Variants in FCHSD2 observed in about 807,000 individuals in gnomAD.
FCHSD2 encodes FCH and double SH3 domains 2.
Under a neutral mutation model 108.1 loss-of-function variants are expected in FCHSD2, and 38 were observed. The ratio of observed to expected loss-of-function variants is 0.35; its 90% CI spans 0.27 to 0.46. The LOEUF is 0.46. FCHSD2 is among the 20% of genes least tolerant of loss of function. The pLI is 1.00. For missense variants in FCHSD2, 751 were observed against 897.8 expected (o/e 0.84, Z 2.09); for synonymous variants, 279 against 314.7 (o/e 0.89, Z 1.20).
chr11:72,989,180 T>C (rs1857364987), intron 5 of FCHSD2, 83 bp from the exon 6 acceptor site: 4 of 1,061,812 alleles, frequency 3.8e-6, no homozygotes, highest in Admixed American at 5.7e-5. Context: ...CTATACACTA[T>C]GCCTTCAGGA....
At chr11:72,962,238 T>G (rs1336839924) in intron 8 of FCHSD2, among the ~76,000 whole-genome samples, 2 of 152,238 alleles carry the variant, frequency 1.3e-5, no homozygotes, top group Non-Finnish European at 2.9e-5. Context: ...TAACTCCCAC[T>G]CTTTCACAAG....
rs573878399 is a variant in FCHSD2 at position 72,917,857 on chromosome 11, T to C, written c.828+3971A>G. On this transcript the variant is annotated intron_variant, in intron 9 of 19. Transcript: ENST00000409418. ...GAGCTGAGCTCATGCCATTGCACTC[T>C]AGCCTGGGTGACAGAGTGAGACCTT... Among the ~76,000 whole-genome samples, 4 of 151,734 alleles carry C rather than the reference T, an allele frequency of 2.6e-5. No homozygotes were observed. The South Asian group carries it at 8.3e-4, about 32-fold the overall frequency.
At chr11:73,139,058 T>G (rs1591586829) in intron 2 of FCHSD2, among the ~76,000 whole-genome samples, 1 of 152,236 alleles carries the variant, frequency 6.6e-6, no homozygotes, top group Non-Finnish European at 1.5e-5. Context: ...GCCTTAGTCA[T>G]AAACCCTGAA....
chr11:72,978,873 T>TG (rs1428201608), intron 8 of FCHSD2, among the ~76,000 whole-genome samples: 1 of 149,394 alleles, frequency 6.7e-6, no homozygotes, highest in East Asian at 1.9e-4. Context: ...TTTTTTTTTT[T>TG]TGAGATGAAG....
chr11:72,884,979 C>A (rs1346453775), intron 12 of FCHSD2, among the ~76,000 whole-genome samples: 1 of 152,116 alleles, frequency 6.6e-6, no homozygotes, highest in Non-Finnish European at 1.5e-5. Flanking sequence ...CCAGTGTTCT[C>A]TCTTTTGTAT....
Position 72,984,094 on chromosome 11 carries a change from A to T in FCHSD2, c.699T>A (p.Ile233=). 6.2e-7 allele frequency: 1 copy of T among 1,611,746 alleles called. No individual in the cohort carries two copies. Among genetic ancestry groups the T allele is most frequent in the East Asian group, 2.2e-5 (1 of 44,874 alleles). The change falls in exon 8 of 20, where the codon ATT becomes ATA. Residue 233 remains isoleucine, a synonymous_variant. Coordinates refer to ENST00000409418, the MANE Select transcript of FCHSD2 (RefSeq NM_014824.3). The part of the protein sequence containing the change: ...DRYYQTDLVN[I]MKALDGNVYD... ...GATATGAAAGCTGTATTACCTTCAT[A>T]ATGTTAACTAAATCTGTTTGATAGT...
intron 3 of FCHSD2, among the ~76,000 whole-genome samples, chr11:73,017,763 C>A (rs886785197): frequency 2.0e-5 from 3 of 152,174 alleles, no homozygotes; most frequent in Non-Finnish European, 2.9e-5. Flanking sequence ...CACTCCTATT[C>A]CTACTTGCTA....
intron 10 of FCHSD2, among the ~76,000 whole-genome samples, chr11:72,898,469 AT>A (rs1424765252): frequency 1.3e-5 from 2 of 152,236 alleles, no homozygotes; most frequent in Admixed American, 1.3e-4. Context: ...AAAATTCCTA[AT>A]TCAAACTATA....
rs61753292 is a variant in FCHSD2 at position 72,889,838 on chromosome 11, G to A, written c.1032C>T (p.His344=). The change falls in exon 11 of 20, where the codon CAC becomes CAT. Residue 344 remains histidine, a synonymous_variant. Coordinates refer to ENST00000409418, the MANE Select transcript of FCHSD2 (RefSeq NM_014824.3). ...RVAREHKNIV[H]QQRVLNDLEC... is the part of the protein sequence containing the mutation. ...TTTCTCTTACACTTACCCGTTGTTG[G>A]TGAACAATGTTTTTATGCTCACGTG... The A allele has an allele frequency of 8.6e-5, 138 of 1,600,638 alleles. No individual in the cohort carries two copies. The highest frequency in any genetic ancestry group is 1.2e-4 in the Non-Finnish European group (135 of 1,167,938).
intron 8 of FCHSD2, among the ~76,000 whole-genome samples, chr11:72,946,294 G>C (rs1208899751): frequency 6.6e-6 from 1 of 150,652 alleles, no homozygotes; most frequent in African/African-American, 2.4e-5. Flanking sequence ...ACTATCGCAA[G>C]GACAAAAAAC....
intron 5 of FCHSD2, among the ~76,000 whole-genome samples, chr11:72,995,832 G>A (rs778030387): frequency 6.6e-6 from 1 of 151,828 alleles, no homozygotes; most frequent in African/African-American, 2.4e-5. Flanking sequence ...CCAACACATC[G>A]AAGTCCTACA....
rs79929666 is a variant in FCHSD2, at chr11:72,885,385, C to T, written c.1146+2085G>A. On this transcript the variant is annotated intron_variant, in intron 12 of 19. Transcript: ENST00000409418. ...TTGAGAATGTAGACTTAAATACTTGCATTAGAAGAGGTGAGACATCGTGGT... is the reference window on the plus strand; with the variant it reads ...TTGAGAATGTAGACTTAAATACTTGTATTAGAAGAGGTGAGACATCGTGGT... 2.2e-3 allele frequency among the ~76,000 whole-genome samples: 339 copies of T among 152,238 alleles called. 4 individuals carry two copies. The highest frequency in any genetic ancestry group is 6.6e-3 in the South Asian group (32 of 4,824).
Position 72,970,906 on chromosome 11 carries a change from A to G in FCHSD2, c.705+13182T>C, listed in dbSNP as rs493315. 2.0e-3 allele frequency among the ~76,000 whole-genome samples: 303 copies of G among 152,286 alleles called. 1 individual carries two copies. The highest frequency in any genetic ancestry group is 7.0e-3 in the African/African-American group (290 of 41,542). On this transcript the variant is annotated intron_variant, in intron 8 of 19. Coordinates refer to ENST00000409418, the MANE Select transcript of FCHSD2 (RefSeq NM_014824.3). ...CATTGTGAGAAAGGCAATACCAAGAAGCCAAGTGCAGAAGCTCCAGCTGAC... is the reference window on the plus strand; with the variant it reads ...CATTGTGAGAAAGGCAATACCAAGAGGCCAAGTGCAGAAGCTCCAGCTGAC...
At chr11:72,852,219 A>G (rs187752211) in intron 13 of FCHSD2, among the ~76,000 whole-genome samples, 1 of 152,318 alleles carries the variant, frequency 6.6e-6, no homozygotes, top group Non-Finnish European at 1.5e-5. Flanking sequence ...AAGTCAAAAA[A>G]TAACAGATGC....
At chr11:72,940,671 T>C (rs1211177271) in intron 8 of FCHSD2, 4 of 1,202,088 alleles carry the variant, frequency 3.3e-6, no homozygotes, top group East Asian at 4.6e-5. Flanking sequence ...CCAAGCAAGG[T>C]TACATTATAT....
chr11:73,064,462 C>A (rs923493129), intron 3 of FCHSD2, among the ~76,000 whole-genome samples: 6 of 149,870 alleles, frequency 4.0e-5, no homozygotes, highest in African/African-American at 1.5e-4. Flanking sequence ...GAGATAGAAA[C>A]AAGAAAAACC....
intron 13 of FCHSD2, among the ~76,000 whole-genome samples, chr11:72,850,489 G>T (rs1300154452): frequency 2.6e-5 from 4 of 151,754 alleles, no homozygotes; most frequent in Non-Finnish European, 4.4e-5. Flanking sequence ...GAGTAGCTGG[G>T]ACTACAGGTG....
chr11:72,938,220 G>A (rs1339685196), intron 8 of FCHSD2, among the ~76,000 whole-genome samples: 1 of 132,942 alleles, frequency 7.5e-6, no homozygotes, highest in Non-Finnish European at 1.5e-5. Context: ...TTTTGCTCTT[G>A]TTGCCCAGAC....
At chr11:72,934,406 C>T (rs1856259564) in intron 8 of FCHSD2, among the ~76,000 whole-genome samples, 1 of 150,882 alleles carries the variant, frequency 6.6e-6, no homozygotes, top group African/African-American at 2.4e-5. Flanking sequence ...TCTCGGCTCA[C>T]TGCAACCTCC....
Sources: allele counts gnomAD v4.1 joint callset (sites outside exome capture counted in the v4.1 genomes callset), GRCh38; gene constraint gnomAD v4.1.1; transcripts MANE v1.5; gene names NCBI Gene and HGNC (gene_info 2026-07-23, HGNC 2026-07-21).